The following NKAIN3 variants were observed in gnomAD, a reference collection of about 807,000 sequenced individuals.
NKAIN3 encodes sodium/potassium transporting ATPase interacting 3, also known as sodium/potassium-transporting ATPase subunit beta-1-interacting protein 3.
NKAIN3 carries 25 observed loss-of-function variants against 30.2 expected under a neutral mutation model. That is an observed-to-expected ratio of 0.83 (90% CI 0.60 to 1.16). NKAIN3 has a LOEUF of 1.16. Among genes scored for constraint, NKAIN3 ranks in the 50% most tolerant of loss-of-function variants. The pLI, the probability that NKAIN3 is intolerant of heterozygous loss-of-function variation, is 0.00. For synonymous variants in NKAIN3, 91 were observed against 89.6 expected, an observed-to-expected ratio of 1.02 and a Z score of -0.09; for missense variants, 225 against 254.1, an observed-to-expected ratio of 0.89 and a Z score of 0.78.
intron 1 of NKAIN3, among the ~76,000 whole-genome samples, chr8:62,558,854 G>C (rs1365744022): frequency 6.6e-6 from 1 of 151,926 alleles, no homozygotes; most frequent in Non-Finnish European, 1.5e-5. Context: ...TGTTTAAGCT[G>C]TGTCCCACAA....
At chr8:62,798,298 G>T (rs1047168072) in intron 4 of NKAIN3, among the ~76,000 whole-genome samples, 1 of 152,172 alleles carries the variant, frequency 6.6e-6, no homozygotes, top group East Asian at 1.9e-4. Flanking sequence ...TAGGCCAGGC[G>T]TGGTGGCTCA....
chr8:62,816,390 G>T (rs900351629), intron 4 of NKAIN3, among the ~76,000 whole-genome samples: 6 of 152,154 alleles, frequency 3.9e-5, no homozygotes, highest in African/African-American at 1.2e-4. Flanking sequence ...TGGTTCTTGG[G>T]TTCTTGGGGA....
Position 62,284,521 on chromosome 8 carries a change from G to C in NKAIN3, c.54+35394G>C, listed in dbSNP as rs142050756. Among the ~76,000 whole-genome samples, 1,012 of 152,200 alleles carry C rather than the reference G, an allele frequency of 6.6e-3. 7 individuals carry two copies. Among genetic ancestry groups the C allele is most frequent in the African/African-American group, 0.023 (959 of 41,532 alleles). ...CATGCCTGTAATCCCAGCTACTTGG[G>C]AGGCTGAGGCAGGAGAATTGCTTGA... On this transcript the variant is annotated intron_variant, in intron 1 of 6. Coordinates refer to ENST00000623646, the MANE Select transcript of NKAIN3 (RefSeq NM_001304533.3).
At chr8:62,950,107 T>C (rs1400787619) in intron 5 of NKAIN3, among the ~76,000 whole-genome samples, 1 of 152,228 alleles carries the variant, frequency 6.6e-6, no homozygotes, top group Non-Finnish European at 1.5e-5. Flanking sequence ...TGACTGCCTT[T>C]CCCCAAACAT....
In NKAIN3 at chr8:62,883,457, G is replaced by GTTGTTTTTTTTTTTTTT; in HGVS notation, c.472-34994_472-34993insGTTTTTTTTTTTTTTTT. 4.1e-3 allele frequency among the ~76,000 whole-genome samples: 288 copies of GTTGTTTTTTTTTTTTTT among 70,182 alleles called. 39 individuals are homozygous for GTTGTTTTTTTTTTTTTT. Among genetic ancestry groups the GTTGTTTTTTTTTTTTTT allele is most frequent in the African/African-American group, 0.015 (208 of 14,270 alleles). The allele number at this position is 70,182 out of a possible 152,430, so 46.0% of individuals were successfully genotyped here. ...TTTATTATTTCCAGGAGTTTTATGG[G>GTTGTTTTTTTTTTTTTT]TTTTTTTTTTTTTTTTCAGATTTTC... is the stretch of plus-strand genomic sequence containing the variant. On this transcript the variant is annotated intron_variant, in intron 4 of 6. Coordinates refer to ENST00000623646, the MANE Select transcript of NKAIN3 (RefSeq NM_001304533.3).
intron 4 of NKAIN3, among the ~76,000 whole-genome samples, chr8:62,810,503 A>G: frequency 6.6e-6 from 1 of 152,172 alleles, no homozygotes; most frequent in South Asian, 2.1e-4. Flanking sequence ...TTTCATTTGT[A>G]AAATGTAAAA....
chr8:62,917,436 C>T (rs1414366843), intron 4 of NKAIN3, among the ~76,000 whole-genome samples: 2 of 152,174 alleles, frequency 1.3e-5, no homozygotes, highest in Non-Finnish European at 2.9e-5. Context: ...CTAAACTTTT[C>T]CCTAACCTCT....
intron 3 of NKAIN3, among the ~76,000 whole-genome samples, chr8:62,680,553 G>T (rs769579958): frequency 4.6e-5 from 7 of 152,064 alleles, no homozygotes; most frequent in Non-Finnish European, 8.8e-5. Context: ...TCAAGATACT[G>T]GGAAATTTAG....
intron 1 of NKAIN3, among the ~76,000 whole-genome samples, chr8:62,252,153 T>C (rs1585597706): frequency 6.6e-6 from 1 of 152,088 alleles, no homozygotes; most frequent in Non-Finnish European, 1.5e-5. Flanking sequence ...TTTTTGCTCT[T>C]TTATGTTTTT....
At chr8:62,474,773 G>A (rs777877906) in intron 1 of NKAIN3, among the ~76,000 whole-genome samples, 2 of 152,106 alleles carry the variant, frequency 1.3e-5, no homozygotes, top group African/African-American at 4.8e-5. Context: ...GCTAAAAAGA[G>A]TTTTGTAAGC....
intron 4 of NKAIN3, among the ~76,000 whole-genome samples, chr8:62,808,129 G>A (rs1462918414): frequency 1.3e-5 from 2 of 151,916 alleles, no homozygotes; most frequent in Non-Finnish European, 2.9e-5. Context: ...TTTATTAGGG[G>A]CACAACTTAA....
At chr8:62,375,264 A>G (rs1817037912) in intron 1 of NKAIN3, among the ~76,000 whole-genome samples, 1 of 152,218 alleles carries the variant, frequency 6.6e-6, no homozygotes, top group Non-Finnish European at 1.5e-5. Context: ...TAGTGTGAAG[A>G]TCAATTATAT....
chr8:62,904,947 G>T (rs1397129175), intron 4 of NKAIN3, among the ~76,000 whole-genome samples: 3 of 152,102 alleles, frequency 2.0e-5, no homozygotes, highest in African/African-American at 7.2e-5. Flanking sequence ...GCTGGGGCAG[G>T]ACTCTCAGAG....
intron 3 of NKAIN3, among the ~76,000 whole-genome samples, chr8:62,725,685 T>C (rs1815234949): frequency 6.6e-6 from 1 of 152,080 alleles, no homozygotes. Flanking sequence ...TATTTCTGGG[T>C]TCTTTATTTT....
chr8:62,327,912 T>A (rs547975157), intron 1 of NKAIN3, among the ~76,000 whole-genome samples: 3 of 152,108 alleles, frequency 2.0e-5, no homozygotes, highest in Non-Finnish European at 4.4e-5. Context: ...TTCATGAACA[T>A]GGGATCTCTT....
intron 1 of NKAIN3, among the ~76,000 whole-genome samples, chr8:62,390,611 C>A (rs1817561017): frequency 6.6e-6 from 1 of 152,134 alleles, no homozygotes; most frequent in Non-Finnish European, 1.5e-5. Context: ...GTCTTTGAGG[C>A]ATCACTACAC....
At chr8:62,691,244 G>A (rs1813957263) in intron 3 of NKAIN3, among the ~76,000 whole-genome samples, 1 of 152,148 alleles carries the variant, frequency 6.6e-6, no homozygotes, top group Non-Finnish European at 1.5e-5. Flanking sequence ...AGGTGTTATT[G>A]TAGAGAGGTG....
At chr8:62,472,380 G>A (rs1178642719) in intron 1 of NKAIN3, among the ~76,000 whole-genome samples, 2 of 152,134 alleles carry the variant, frequency 1.3e-5, no homozygotes, top group Non-Finnish European at 2.9e-5. Context: ...TGAGTGATGG[G>A]CAAGATACCA....
At chr8:62,301,977 G>A (rs1377843264) in intron 1 of NKAIN3, among the ~76,000 whole-genome samples, 1 of 152,022 alleles carries the variant, frequency 6.6e-6, no homozygotes, top group East Asian at 1.9e-4. Context: ...TTGGTTTTCA[G>A]CAGTGGCCAC....
Sources: gnomAD v4.1 joint callset for allele counts (sites outside exome capture counted in the v4.1 genomes callset) on GRCh38, gnomAD v4.1.1 for gene constraint, MANE v1.5 for transcripts, NCBI Gene and HGNC (gene_info 2026-07-23, HGNC 2026-07-21) for gene names.